Variants in GPC5 observed in about 807,000 individuals in gnomAD.
The protein encoded by GPC5 is glypican 5, also known as glypican-5.
A neutral mutation model predicts 53.9 loss-of-function variants in GPC5; 47 were observed. The observed-to-expected ratio is 0.87, with a 90% CI of 0.69 to 1.11. The LOEUF is 1.11. GPC5 is among the 50% of genes most tolerant of loss of function. The pLI is 0.00. For synonymous variants in GPC5, 286 were observed against 263.3 expected, an observed-to-expected ratio of 1.09 and a Z score of -0.84; for missense variants, 748 against 713.1, an observed-to-expected ratio of 1.05 and a Z score of -0.56.
At chr13:92,754,974 G>A (rs1874790812) in intron 7 of GPC5, among the ~76,000 whole-genome samples, 1 of 152,016 alleles carries the variant, frequency 6.6e-6, no homozygotes, top group Admixed American at 6.6e-5. Flanking sequence ...TCTGCACCAA[G>A]CGGACCTAAC....
At chr13:91,750,554 A>G (rs926361025) in intron 4 of GPC5, among the ~76,000 whole-genome samples, 1 of 152,212 alleles carries the variant, frequency 6.6e-6, no homozygotes, top group African/African-American at 2.4e-5. Context: ...TGTTCATTGA[A>G]ATATTTCACG....
intron 5 of GPC5, among the ~76,000 whole-genome samples, chr13:91,877,523 T>C (rs1293626901): frequency 1.3e-5 from 2 of 152,194 alleles, no homozygotes; most frequent in Non-Finnish European, 2.9e-5. Context: ...ATGGGCCCTG[T>C]AACGTCTTTG....
chr13:92,408,705 A>G (rs1875908831), intron 7 of GPC5, among the ~76,000 whole-genome samples: 1 of 151,944 alleles, frequency 6.6e-6, no homozygotes, highest in Admixed American at 6.6e-5. Flanking sequence ...ACATTTTTCT[A>G]TATGTTCAGT....
At chr13:92,090,478 T>C (rs571100694) in intron 6 of GPC5, among the ~76,000 whole-genome samples, 2 of 152,244 alleles carry the variant, frequency 1.3e-5, no homozygotes, top group South Asian at 2.1e-4. Flanking sequence ...AGGGAAGAGA[T>C]GGCAATTCAT....
intron 7 of GPC5, among the ~76,000 whole-genome samples, chr13:92,224,673 G>T (rs2042472075): frequency 6.6e-6 from 1 of 152,186 alleles, no homozygotes; most frequent in Non-Finnish European, 1.5e-5. Flanking sequence ...TAGGCAGAGG[G>T]TGTCTAAATG....
intron 7 of GPC5, among the ~76,000 whole-genome samples, chr13:92,167,788 C>A (rs1056165194): frequency 2.0e-5 from 3 of 151,282 alleles, no homozygotes; most frequent in Non-Finnish European, 2.9e-5. Flanking sequence ...CAGAAAAGGT[C>A]ATCTGTTGTT....
intron 7 of GPC5, among the ~76,000 whole-genome samples, chr13:92,459,538 TC>T (rs1878401584): frequency 6.6e-6 from 1 of 152,152 alleles, no homozygotes; most frequent in South Asian, 2.1e-4. Context: ...TGACAAATTT[TC>T]CCCTGACAGC....
At chr13:91,894,155 G>C (rs1464040536) in intron 5 of GPC5, among the ~76,000 whole-genome samples, 1 of 152,098 alleles carries the variant, frequency 6.6e-6, no homozygotes, top group Non-Finnish European at 1.5e-5. Context: ...TCAGACAAAT[G>C]TAAATGTACA....
chr13:92,758,151 C>A (rs1367079363), intron 7 of GPC5, among the ~76,000 whole-genome samples: 1 of 148,488 alleles, frequency 6.7e-6, no homozygotes, highest in African/African-American at 2.5e-5. Flanking sequence ...ACTATGCAGC[C>A]ATAAAAAATG....
intron 6 of GPC5, among the ~76,000 whole-genome samples, chr13:92,140,310 A>G (rs539345116): frequency 1.3e-5 from 2 of 152,340 alleles, no homozygotes; most frequent in South Asian, 4.1e-4. Flanking sequence ...ACAATTTACA[A>G]GCAAAACAAA....
At chr13:91,580,187 A>G (rs2032306412) in intron 2 of GPC5, among the ~76,000 whole-genome samples, 1 of 152,002 alleles carries the variant, frequency 6.6e-6, no homozygotes, top group Non-Finnish European at 1.5e-5. Flanking sequence ...AGTATCTGGG[A>G]CTACAGGCGC....
At chr13:92,205,941 C>T (rs1223493121) in intron 7 of GPC5, among the ~76,000 whole-genome samples, 2 of 147,566 alleles carry the variant, frequency 1.4e-5, no homozygotes, top group East Asian at 4.2e-4. Flanking sequence ...AATCGGGAAG[C>T]TGAGGAAGGA....
In GPC5 at chr13:91,715,800, C is replaced by G. The variant is rs144259902; in HGVS notation, c.1021-12732C>G. ...TCTCTCTCTCTCTCTCTCTCTCTCT[C>G]TGTGTGTGTGTCACCCAGGCTAGAG... is the stretch of plus-strand genomic sequence containing the variant. On this transcript the variant is annotated intron_variant, in intron 3 of 7. Coordinates refer to ENST00000377067, the MANE Select transcript of GPC5 (RefSeq NM_004466.6). Among the ~76,000 whole-genome samples the G allele has an allele frequency of 2.3e-3, 330 of 145,842 alleles. 2 individuals carry two copies. The highest frequency in any genetic ancestry group is 0.021 in the South Asian group (97 of 4,528).
chr13:91,946,893 C>A (rs2039979644), intron 6 of GPC5, among the ~76,000 whole-genome samples: 1 of 152,032 alleles, frequency 6.6e-6, no homozygotes, highest in Non-Finnish European at 1.5e-5. Flanking sequence ...AATTAAAGCA[C>A]ATTTTTTTTT....
At chr13:92,336,981 C>T (rs564035107) in intron 7 of GPC5, among the ~76,000 whole-genome samples, 44 of 152,162 alleles carry the variant, frequency 2.9e-4, no homozygotes, top group African/African-American at 9.6e-4. Flanking sequence ...GAGACTTATT[C>T]ACTATCATGA....
chr13:92,435,126 G>A (rs1433872952), intron 7 of GPC5, among the ~76,000 whole-genome samples: 3 of 152,142 alleles, frequency 2.0e-5, no homozygotes, highest in East Asian at 3.9e-4. Context: ...TGTTGACCAA[G>A]TTGGTCCTGA....
At chr13:92,130,919 G>A (rs979772879) in intron 6 of GPC5, among the ~76,000 whole-genome samples, 1 of 151,320 alleles carries the variant, frequency 6.6e-6, no homozygotes, top group Non-Finnish European at 1.5e-5. Context: ...TTCTAAAAAT[G>A]GCAAAAAATA....
At chr13:91,478,324 C>T (rs1442545063) in intron 2 of GPC5, among the ~76,000 whole-genome samples, 5 of 152,014 alleles carry the variant, frequency 3.3e-5, no homozygotes, top group South Asian at 4.1e-4. Context: ...TCCAAAATTA[C>T]AAATGTTATG....
chr13:92,424,181 A>T (rs1876717678), intron 7 of GPC5, among the ~76,000 whole-genome samples: 1 of 152,130 alleles, frequency 6.6e-6, no homozygotes, highest in African/African-American at 2.4e-5. Context: ...CTCTAGGGTT[A>T]TTGCTTCTCC....
Sources: gnomAD v4.1 joint callset for allele counts (sites outside exome capture counted in the v4.1 genomes callset) on GRCh38, gnomAD v4.1.1 for gene constraint, MANE v1.5 for transcripts, NCBI Gene and HGNC (gene_info 2026-07-23, HGNC 2026-07-21) for gene names.